The following ZNF679 variants were observed in gnomAD, a reference collection of about 807,000 sequenced individuals.
ZNF679 encodes the protein hypothetical protein MGC42415.
ZNF679 carries 10 observed loss-of-function variants against 13.4 expected under a neutral mutation model. The observed-to-expected ratio is 0.75, with a 90% CI of 0.46 to 1.27. ZNF679 has a LOEUF of 1.27. Among genes scored for constraint, ZNF679 ranks in the 50% most tolerant of loss-of-function variants. The pLI is 0.00. For synonymous variants in ZNF679, 179 were observed against 162.5 expected (o/e 1.10, Z -0.77); for missense variants, 525 against 477.8 (o/e 1.10, Z -0.92).
In ZNF679 at chr7:64,249,026, A is replaced by C. The variant is rs1787906312; in HGVS notation, c.-90-2A>C. 1 of 1,582,886 alleles carries C rather than the reference A, an allele frequency of 6.3e-7. No homozygotes were observed. On this transcript the variant is annotated splice_acceptor_variant, in intron 1 of 4. Coordinates refer to ENST00000421025, the MANE Select transcript of ZNF679 (RefSeq NM_153363.3). LOFTEE classifies it low-confidence loss of function (5UTR_SPLICE). Reference sequence around the variant, plus strand: ...GGGTCCTTTGTGTTTCTCTGCGTCCAGAGCTCCAGTTCTTCTCTTCACTGC... The same window carrying C: ...GGGTCCTTTGTGTTTCTCTGCGTCCCGAGCTCCAGTTCTTCTCTTCACTGC...
At chr7:64,244,939 G>A (rs1040927127) in intron 1 of ZNF679, among the ~76,000 whole-genome samples, 2 of 152,342 alleles carry the variant, frequency 1.3e-5, no homozygotes, top group Admixed American at 1.3e-4. Flanking sequence ...ACTGCCACAT[G>A]GCTACAAGGT....
rs1787906730 is a variant in ZNF679, at chr7:64,249,043, C to T, written c.-75C>T. The stretch of plus-strand genomic sequence containing the variant: ...CTGCGTCCAGAGCTCCAGTTCTTCT[C>T]TTCACTGCTCTGCGTCCTCTGTTCC... On this transcript the variant is annotated 5_prime_UTR_variant, in exon 2 of 5. Transcript: ENST00000421025. 10 of 1,604,616 alleles carry T rather than the reference C, an allele frequency of 6.2e-6. No individual in the cohort carries two copies. The South Asian group carries it at 8.9e-5, about 14-fold the overall frequency.
intron 1 of ZNF679, among the ~76,000 whole-genome samples, chr7:64,230,755 A>G (rs112174257): frequency 0.066 from 9,996 of 152,214 alleles, 525 homozygotes; most frequent in African/African-American, 0.14. Flanking sequence ...CAGGTATGGG[A>G]GTAAACACTT....
At chr7:64,239,875 T>C (rs1415610172) in intron 1 of ZNF679, among the ~76,000 whole-genome samples, 2 of 152,172 alleles carry the variant, frequency 1.3e-5, no homozygotes, top group Non-Finnish European at 2.9e-5. Context: ...TGGAACTGTT[T>C]TACAGTTCTC....
At chr7:64,253,041 TATG>T (rs1382407875) in intron 2 of ZNF679, among the ~76,000 whole-genome samples, 1 of 152,168 alleles carries the variant, frequency 6.6e-6, no homozygotes, top group Admixed American at 6.5e-5. Flanking sequence ...TTCTGAATTT[TATG>T]ATAACTTTAT....
chr7:64,248,333 A>G (rs556501848), intron 1 of ZNF679, among the ~76,000 whole-genome samples: 116 of 151,710 alleles, frequency 7.6e-4, no homozygotes, highest in African/African-American at 2.6e-3. Flanking sequence ...CCCAGGCTGC[A>G]GTGCAGTGGC....
intron 1 of ZNF679, among the ~76,000 whole-genome samples, chr7:64,241,759 C>T (rs1402988887): frequency 6.6e-6 from 1 of 152,144 alleles, no homozygotes; most frequent in Non-Finnish European, 1.5e-5. Context: ...TGATGATTGG[C>T]CCAGAGATAT....
At chr7:64,263,098 A>T (rs1362889761) in intron 4 of ZNF679, among the ~76,000 whole-genome samples, 1 of 150,032 alleles carries the variant, frequency 6.7e-6, no homozygotes, top group African/African-American at 2.4e-5. Flanking sequence ...CTCTTCTTAA[A>T]TTTTTTTTTT....
chr7:64,265,127 C>T (rs752218574), intron 4 of ZNF679, among the ~76,000 whole-genome samples: 42 of 151,948 alleles, frequency 2.8e-4, no homozygotes, highest in Non-Finnish European at 4.4e-4. Context: ...ACCATGTTGT[C>T]TTCATGTTTT....
At chr7:64,255,587 T>C (rs1480469183) in intron 2 of ZNF679, among the ~76,000 whole-genome samples, 5 of 150,018 alleles carry the variant, frequency 3.3e-5, no homozygotes, top group African/African-American at 1.2e-4. Flanking sequence ...TCACTTACCT[T>C]GCACTCTTTC....
intron 1 of ZNF679, among the ~76,000 whole-genome samples, chr7:64,239,107 T>C (rs1026277453): frequency 6.6e-6 from 1 of 151,998 alleles, no homozygotes; most frequent in Non-Finnish European, 1.5e-5. Flanking sequence ...CAGCCAAAAG[T>C]AGTAATTGTC....
intron 1 of ZNF679, among the ~76,000 whole-genome samples, chr7:64,246,038 G>T (rs1787865204): frequency 6.6e-6 from 1 of 152,122 alleles, no homozygotes; most frequent in Non-Finnish European, 1.5e-5. Context: ...AGACAATAGT[G>T]GTTAAAGTTC....
chr7:64,250,362 T>C (rs1047247235), intron 2 of ZNF679, among the ~76,000 whole-genome samples: 7 of 138,404 alleles, frequency 5.1e-5, no homozygotes, highest in Admixed American at 2.4e-4. Flanking sequence ...CTCCACCTCC[T>C]GGGTTGAAGT....
intron 1 of ZNF679, among the ~76,000 whole-genome samples, chr7:64,239,764 A>G (rs1340018426): frequency 6.6e-6 from 1 of 152,076 alleles, no homozygotes; most frequent in East Asian, 2.0e-4. Flanking sequence ...TGGCCTAAGT[A>G]AAAAGGTAAT....
intron 2 of ZNF679, among the ~76,000 whole-genome samples, chr7:64,255,969 T>C (rs1162918549): frequency 3.9e-5 from 6 of 152,132 alleles, no homozygotes; most frequent in Non-Finnish European, 7.3e-5. Flanking sequence ...GTTTGTTATA[T>C]AGGTAAAATC....
At chr7:64,234,940 C>T (rs1269495283) in intron 1 of ZNF679, among the ~76,000 whole-genome samples, 2 of 152,126 alleles carry the variant, frequency 1.3e-5, no homozygotes, top group South Asian at 2.1e-4. Context: ...AGGGTTCAAG[C>T]GATTCTTGCG....
intron 1 of ZNF679, among the ~76,000 whole-genome samples, chr7:64,245,581 A>C (rs1217280944): frequency 6.6e-6 from 1 of 152,142 alleles, no homozygotes; most frequent in East Asian, 1.9e-4. Flanking sequence ...GTTGTGAAAG[A>C]ATCTTTTTTG....
chr7:64,246,718 G>A (rs1253674050), intron 1 of ZNF679, among the ~76,000 whole-genome samples: 1 of 150,256 alleles, frequency 6.7e-6, no homozygotes, highest in East Asian at 2.0e-4. Context: ...GCAGGACTCT[G>A]TCAAAAGAAA....
chr7:64,254,192 T>C (rs1463113193), intron 2 of ZNF679, among the ~76,000 whole-genome samples: 1 of 151,978 alleles, frequency 6.6e-6, no homozygotes, highest in Non-Finnish European at 1.5e-5. Flanking sequence ...TGGCGCGATC[T>C]CAGCTCACTG....
Sources: gnomAD v4.1 joint callset for allele counts (sites outside exome capture counted in the v4.1 genomes callset) on GRCh38, gnomAD v4.1.1 for gene constraint, MANE v1.5 for transcripts, NCBI Gene and HGNC (gene_info 2026-07-23, HGNC 2026-07-21) for gene names.